Variants in SGCZ observed in about 807,000 individuals in gnomAD.
SGCZ encodes sarcoglycan zeta.
In SGCZ, 40 loss-of-function variants were observed where a neutral mutation model predicts 41.3. That is an observed-to-expected ratio of 0.97 (90% CI 0.75 to 1.26). The LOEUF (loss-of-function observed/expected upper bound fraction) is 1.26. Among genes scored for constraint, SGCZ ranks in the 50% most tolerant of loss-of-function variants. SGCZ has a pLI of 0.00. For missense variants in SGCZ, 552 were observed against 369.8 expected, an observed-to-expected ratio of 1.49 and a Z score of -4.04; for synonymous variants, 206 against 137.5, an observed-to-expected ratio of 1.50 and a Z score of -3.49.
intron 1 of SGCZ, among the ~76,000 whole-genome samples, chr8:14,801,326 C>T (rs1229564775): frequency 6.6e-6 from 1 of 152,032 alleles, no homozygotes; most frequent in Non-Finnish European, 1.5e-5. Flanking sequence ...ATCTCATTTG[C>T]TTTACTAAGG....
chr8:14,551,527 A>T (rs1019355010), intron 2 of SGCZ, among the ~76,000 whole-genome samples: 1 of 3,666 alleles, frequency 2.7e-4, no homozygotes, highest in South Asian at 7.6e-3. Context: ...TATATATAAT[A>T]TATATAATAT....
intron 4 of SGCZ, among the ~76,000 whole-genome samples, chr8:14,235,608 T>A (rs555890861): frequency 6.6e-6 from 1 of 152,212 alleles, no homozygotes; most frequent in African/African-American, 2.4e-5. Context: ...CGTAATCAAA[T>A]GATTGCTTTG....
intron 1 of SGCZ, among the ~76,000 whole-genome samples, chr8:14,993,664 G>C (rs909254201): frequency 3.3e-5 from 5 of 152,120 alleles, no homozygotes; most frequent in African/African-American, 9.7e-5. Flanking sequence ...AATTCTAGCC[G>C]GGGCAGTGAG....
chr8:14,248,473 A>G (rs1345574841), intron 3 of SGCZ, among the ~76,000 whole-genome samples: 4 of 152,170 alleles, frequency 2.6e-5, no homozygotes, highest in Admixed American at 2.6e-4. Flanking sequence ...GAAAGTAAGT[A>G]GGGAACTAAG....
intron 1 of SGCZ, among the ~76,000 whole-genome samples, chr8:14,971,588 A>G (rs1339096965): frequency 6.6e-6 from 1 of 150,408 alleles, no homozygotes; most frequent in African/African-American, 2.4e-5. Flanking sequence ...TGTTAAACCA[A>G]TCTTACATTC....
intron 4 of SGCZ, among the ~76,000 whole-genome samples, chr8:14,186,706 T>C (rs1016345225): frequency 6.6e-6 from 1 of 152,170 alleles, no homozygotes; most frequent in Non-Finnish European, 1.5e-5. Flanking sequence ...TGAAGCCTAT[T>C]CAAATGAAAG....
chr8:14,465,321 CT>C, intron 2 of SGCZ, among the ~76,000 whole-genome samples: 1 of 151,570 alleles, frequency 6.6e-6, no homozygotes, highest in East Asian at 1.9e-4. Flanking sequence ...ATATAATGTC[CT>C]TTTCTTGTGG....
intron 1 of SGCZ, among the ~76,000 whole-genome samples, chr8:14,594,707 A>C (rs1585109376): frequency 6.6e-6 from 1 of 151,924 alleles, no homozygotes; most frequent in Non-Finnish European, 1.5e-5. Flanking sequence ...AAATATGAAT[A>C]ACTGTCTGTG....
intron 1 of SGCZ, among the ~76,000 whole-genome samples, chr8:14,971,439 C>A (rs1392369401): frequency 6.6e-6 from 1 of 152,008 alleles, no homozygotes; most frequent in Admixed American, 6.6e-5. Context: ...TTTTGAGAAA[C>A]TGCATTTCTA....
At chr8:15,133,242 C>A (rs982450785) in intron 1 of SGCZ, among the ~76,000 whole-genome samples, 4 of 152,136 alleles carry the variant, frequency 2.6e-5, no homozygotes, top group Non-Finnish European at 5.9e-5. Context: ...CATTTTCTGT[C>A]CATATTCTTT....
At chr8:14,966,744 T>G (rs1332651790) in intron 1 of SGCZ, among the ~76,000 whole-genome samples, 1 of 152,162 alleles carries the variant, frequency 6.6e-6, no homozygotes, top group Non-Finnish European at 1.5e-5. Context: ...TGTTTTCTTT[T>G]GTTTTAAACA....
chr8:14,087,972 G>T lies in SGCZ; in HGVS notation c.*2471C>A, dbSNP rs909569363. Among the ~76,000 whole-genome samples the T allele has an allele frequency of 6.6e-6, 1 of 151,692 alleles. No individual in the cohort carries two copies. Among genetic ancestry groups the T allele is most frequent in the African/African-American group, 2.4e-5 (1 of 41,384 alleles). On this transcript the variant is annotated 3_prime_UTR_variant, in exon 8 of 8. Coordinates refer to ENST00000382080, the MANE Select transcript of SGCZ (RefSeq NM_139167.4). Reference sequence around the variant, plus strand: ...GATACAGTCTAAAGCTCTCAAGCTTGTAAGTTACTTTTGAATTATGTCTAT... The same window carrying T: ...GATACAGTCTAAAGCTCTCAAGCTTTTAAGTTACTTTTGAATTATGTCTAT...
chr8:14,120,513 C>G, intron 5 of SGCZ, among the ~76,000 whole-genome samples: 1 of 152,018 alleles, frequency 6.6e-6, no homozygotes, highest in East Asian at 1.9e-4. Context: ...GCTAGAATCA[C>G]CACTTTAATT....
intron 5 of SGCZ, among the ~76,000 whole-genome samples, chr8:14,118,999 C>A (rs1214002836): frequency 6.6e-6 from 1 of 151,956 alleles, no homozygotes; most frequent in Non-Finnish European, 1.5e-5. Context: ...GTAGCATGAT[C>A]CCTCCAGCTT....
chr8:14,243,686 T>G (rs1446265885), intron 3 of SGCZ, among the ~76,000 whole-genome samples: 1 of 152,136 alleles, frequency 6.6e-6, no homozygotes, highest in African/African-American at 2.4e-5. Context: ...ACCTTCAGTT[T>G]CCCAGGCCTG....
chr8:14,090,450 C>T lies in SGCZ; in HGVS notation c.932G>A (p.Trp311Ter). 6.2e-7 allele frequency: 1 copy of T among 1,611,786 alleles called. No homozygotes were observed. Among genetic ancestry groups the T allele is most frequent in the Non-Finnish European group, 8.5e-7 (1 of 1,178,814 alleles). The change falls in exon 8 of 8, where the codon TGG becomes TAG. Residue 311 changes from tryptophan to a stop codon, truncating the protein, a stop_gained. Transcript: ENST00000382080. LOFTEE classifies it high-confidence loss of function. ...GAGGAGAAATCAGTCACTTCAGCTC[C>T]ACAGGCAGATGTTGCTACTGGACTG... ...TCQSSSNICL[W>*]S
chr8:15,154,555 G>T (rs12544054), intron 1 of SGCZ, among the ~76,000 whole-genome samples: 36,996 of 152,124 alleles, frequency 0.24, 4,911 homozygotes, highest in East Asian at 0.54. Flanking sequence ...AGTCTATCAT[G>T]GAGTAAACAG....
At chr8:14,803,771 G>A (rs1290401037) in intron 1 of SGCZ, among the ~76,000 whole-genome samples, 5 of 150,170 alleles carry the variant, frequency 3.3e-5, no homozygotes, top group African/African-American at 1.2e-4. Context: ...CCACCTCTGG[G>A]GGCAGGGCAC....
At chr8:15,067,837 C>T (rs1024219524) in intron 1 of SGCZ, among the ~76,000 whole-genome samples, 6 of 152,142 alleles carry the variant, frequency 3.9e-5, no homozygotes, top group African/African-American at 1.4e-4. Flanking sequence ...TAAAAATAAT[C>T]AAGCAATGCA....
Sources: allele counts gnomAD v4.1 joint callset (sites outside exome capture counted in the v4.1 genomes callset), GRCh38; gene constraint gnomAD v4.1.1; transcripts MANE v1.5; gene names NCBI Gene and HGNC (gene_info 2026-07-23, HGNC 2026-07-21).